The following BAALC variants were observed in gnomAD, a reference collection of about 807,000 sequenced individuals.
BAALC encodes brain and acute leukemia cytoplasmic protein.
BAALC carries 9 observed loss-of-function variants against 15.5 expected under a neutral mutation model. That is an observed-to-expected ratio of 0.58 (90% CI 0.35 to 1.02). The LOEUF (loss-of-function observed/expected upper bound fraction) is 1.02. BAALC is among the 50% of genes least tolerant of loss of function. The pLI is 0.02. For missense variants in BAALC, 201 were observed against 192.4 expected (o/e 1.04, Z -0.27); for synonymous variants, 80 against 74.6 (o/e 1.07, Z -0.37).
chr8:103,205,922 G>A (rs1812317330), intron 1 of BAALC, among the ~76,000 whole-genome samples: 2 of 152,184 alleles, frequency 1.3e-5, no homozygotes, highest in Admixed American at 1.3e-4. Context: ...ATAGAGCCCA[G>A]GGTTTAGTAC....
chr8:103,151,505 C>A (rs945047862), intron 1 of BAALC, among the ~76,000 whole-genome samples: 2 of 152,184 alleles, frequency 1.3e-5, no homozygotes, highest in Non-Finnish European at 1.5e-5. Context: ...CACATCCTCA[C>A]GCTTGCACCA....
intron 1 of BAALC, among the ~76,000 whole-genome samples, chr8:103,192,083 C>T (rs1282655919): frequency 4.6e-5 from 7 of 152,126 alleles, no homozygotes. Context: ...TGGAGTTTCA[C>T]TCTTGTTGCC....
chr8:103,175,475 A>G (rs1352024777), intron 1 of BAALC, among the ~76,000 whole-genome samples: 2 of 152,142 alleles, frequency 1.3e-5, no homozygotes, highest in Non-Finnish European at 2.9e-5. Flanking sequence ...TCCTAGTTAA[A>G]TGGGGAAAGG....
intron 1 of BAALC, among the ~76,000 whole-genome samples, chr8:103,178,527 G>A (rs541943246): frequency 3.9e-5 from 6 of 152,246 alleles, no homozygotes; most frequent in South Asian, 2.1e-4. Context: ...CACTCTGTAC[G>A]ATTTCTTACA....
chr8:103,183,439 T>C, intron 1 of BAALC: 1 of 703,022 alleles, frequency 1.4e-6, no homozygotes, highest in South Asian at 1.5e-5. Context: ...CAAGAAGGAC[T>C]GTGCAGGTAG....
At chr8:103,198,843 G>A (rs144165051) in intron 1 of BAALC, among the ~76,000 whole-genome samples, 7,004 of 152,178 alleles carry the variant, frequency 0.046, 193 homozygotes, top group South Asian at 0.1. Flanking sequence ...CCCAGGAGAC[G>A]GAGCTTGCAG....
At chr8:103,179,650 T>C (rs886693099) in intron 1 of BAALC, among the ~76,000 whole-genome samples, 5 of 152,224 alleles carry the variant, frequency 3.3e-5, no homozygotes, top group African/African-American at 1.2e-4. Flanking sequence ...CCTGTCTTCT[T>C]CCAAATGGAT....
At chr8:103,213,127 G>A in intron 2 of BAALC, 42 bp downstream of exon 2, 2 of 1,601,522 alleles carry the variant, frequency 1.2e-6, no homozygotes, top group Non-Finnish European at 1.7e-6. Flanking sequence ...CTGGAGAATG[G>A]GGGTAGGGCT....
intron 1 of BAALC, among the ~76,000 whole-genome samples, chr8:103,169,222 AT>A (rs1387717643): frequency 9.3e-5 from 14 of 151,290 alleles, no homozygotes; most frequent in Admixed American, 2.0e-4. Flanking sequence ...TGAATTTTTC[AT>A]TCCCTCTACC....
In BAALC at chr8:103,213,041, T is replaced by G. The variant is rs1812486573; in HGVS notation, c.283T>G (p.Ser95Ala). The change falls in exon 2 of 3, where the codon TCA becomes GCA. Residue 95 changes from serine to alanine, a missense_variant. Coordinates refer to ENST00000309982, the MANE Select transcript of BAALC (RefSeq NM_024812.3). Reference sequence around the variant, plus strand: ...GTGCCCAAATCCCCAGAGCCTCAGCTCAGGCCCTCTGACCCAGAAACAGAA... The same window carrying G: ...GTGCCCAAATCCCCAGAGCCTCAGCGCAGGCCCTCTGACCCAGAAACAGAA... ...TQCPNPQSLS[S>A]GPLTQKQNGL... is the part of the protein sequence containing the mutation. 1 of 1,614,058 alleles carries G rather than the reference T, an allele frequency of 6.2e-7. No homozygotes were observed. The highest frequency in any genetic ancestry group is 1.7e-5 in the Admixed American group (1 of 60,018).
intron 1 of BAALC, among the ~76,000 whole-genome samples, 157 bp from the exon 2 acceptor site, chr8:103,212,762 A>G (rs912296094): frequency 1.3e-5 from 2 of 152,230 alleles, no homozygotes; most frequent in African/African-American, 4.8e-5. Context: ...TGTAAAAAGC[A>G]TATATGTTCT....
chr8:103,213,870 A>G (rs1221024259), intron 2 of BAALC, among the ~76,000 whole-genome samples: 1 of 152,174 alleles, frequency 6.6e-6, no homozygotes, highest in Non-Finnish European at 1.5e-5. Flanking sequence ...AACCAGGTTC[A>G]TTCTGTCTGT....
rs1171424703 is a variant in BAALC at position 103,217,779 on chromosome 8, G to C, written c.327+4694G>C. Among the ~76,000 whole-genome samples the C allele has an allele frequency of 2.0e-5, 3 of 152,136 alleles. No individual in the cohort carries two copies. The East Asian group carries it at 5.8e-4, about 29-fold the overall frequency. ...TGAAAGGCAATCCTTGCGAGGCCTGGAAAATTTTTTAATCAGTTCCTATAA... is the reference window on the plus strand; with the variant it reads ...TGAAAGGCAATCCTTGCGAGGCCTGCAAAATTTTTTAATCAGTTCCTATAA... On this transcript the variant is annotated intron_variant, in intron 2 of 2. Coordinates refer to ENST00000309982, the MANE Select transcript of BAALC (RefSeq NM_024812.3).
intron 1 of BAALC, among the ~76,000 whole-genome samples, chr8:103,167,345 G>A (rs968582227): frequency 5.9e-5 from 9 of 152,164 alleles, no homozygotes; most frequent in Non-Finnish European, 1.2e-4. Flanking sequence ...CTAGAGCAGC[G>A]CTGTCCAGAG....
intron 1 of BAALC, among the ~76,000 whole-genome samples, chr8:103,210,257 C>A (rs1812422633): frequency 6.6e-6 from 1 of 152,244 alleles, no homozygotes; most frequent in Non-Finnish European, 1.5e-5. Context: ...TTTCTCTGTT[C>A]ACCTTGAATC....
At chr8:103,205,090 G>C (rs1416440951) in intron 1 of BAALC, among the ~76,000 whole-genome samples, 2 of 152,148 alleles carry the variant, frequency 1.3e-5, no homozygotes, top group Admixed American at 1.3e-4. Flanking sequence ...AGAATGACTT[G>C]CAGGTTGTTT....
chr8:103,195,526 T>C (rs959683676), intron 1 of BAALC, among the ~76,000 whole-genome samples: 4 of 151,992 alleles, frequency 2.6e-5, no homozygotes, highest in Non-Finnish European at 4.4e-5. Context: ...TCATTGGGAG[T>C]CCCTGGGAAC....
Position 103,230,227 on chromosome 8 carries a change from A to C in BAALC, c.*2128A>C, listed in dbSNP as rs1020374912. On this transcript the variant is annotated 3_prime_UTR_variant, in exon 3 of 3. Coordinates refer to ENST00000309982, the MANE Select transcript of BAALC (RefSeq NM_024812.3). ...CTTTTTCATGTATGTATGAGACAGA[A>C]ACTAATCCTTACTATCCTATTAGGA... The C allele has an allele frequency of 6.6e-6, 1 of 152,212 alleles. No homozygotes were observed. Among genetic ancestry groups the C allele is most frequent in the African/African-American group, 2.4e-5 (1 of 41,446 alleles). 9.4% of individuals were successfully genotyped at this position (152,212 alleles called of 1,614,324 possible).
chr8:103,228,864 CA>C lies in BAALC; in HGVS notation c.*766del, dbSNP rs1350338359. 1.3e-5 allele frequency: 2 copies of C among 152,260 alleles called. No individual in the cohort carries two copies. Among genetic ancestry groups the C allele is most frequent in the African/African-American group, 4.8e-5 (2 of 41,460 alleles). 9.4% of individuals were successfully genotyped at this position (152,260 alleles called of 1,614,324 possible). A position where few individuals can be genotyped will look rare whatever the true frequency, so the allele number is the denominator to read the frequency against. ...CCAAATAAGGATACCCCTCAGGGCT[CA>C]GCTAGACATTGCAATTTTGCATAGC... On this transcript the variant is annotated 3_prime_UTR_variant, in exon 3 of 3. Transcript: ENST00000309982.
Sources: gnomAD v4.1 joint callset for allele counts (sites outside exome capture counted in the v4.1 genomes callset) on GRCh38, gnomAD v4.1.1 for gene constraint, MANE v1.5 for transcripts, NCBI Gene and HGNC (gene_info 2026-07-23, HGNC 2026-07-21) for gene names.